FGF13: variants seen among roughly 807,000 people sequenced by gnomAD.
FGF13 encodes the protein fibroblast growth factor homologous factor 2.
Under a neutral mutation model 19.5 loss-of-function variants are expected in FGF13, and 2 were observed. The observed-to-expected ratio is 0.10, with a 90% confidence interval of 0.04 to 0.32. FGF13 has a LOEUF of 0.32. FGF13 is among the 10% of genes least tolerant of loss of function. The probability of loss-of-function intolerance (pLI) is 1.00; values close to 1 mark genes in which losing one functional copy is unlikely to be tolerated. For missense variants in FGF13, 113 were observed against 192.7 expected, an observed-to-expected ratio of 0.59 and a Z score of 2.45; for synonymous variants, 72 against 76.9, an observed-to-expected ratio of 0.94 and a Z score of 0.33.
rs189675108 is a variant in FGF13, at chrX:138,865,923, C to T, written c.-112-1273G>A. Among the ~76,000 whole-genome samples the T allele has an allele frequency of 2.7e-5, 3 of 111,751 alleles. No individual in the cohort carries two copies. In the Admixed American group the frequency reaches 2.9e-4, roughly 11 times the overall value. ...CTCATCCCTCCTTACCAGCTCCCCA[C>T]CCTTAGGGTCTGTACAGAATCATTT... is the stretch of plus-strand genomic sequence containing the variant. On this transcript the variant is annotated intron_variant, in intron 1 of 2. Transcript: ENST00000421460.
At chrX:139,042,312 C>T (rs1298286914) in intron 1 of FGF13, among the ~76,000 whole-genome samples, 1 of 111,101 alleles carries the variant, frequency 9.0e-6, no homozygotes, top group East Asian at 2.8e-4. Context: ...GGAGGCAGAT[C>T]CATGAGAAAT....
intron 3 of FGF13, among the ~76,000 whole-genome samples, chrX:138,780,770 A>C (rs1404577049): frequency 9.0e-6 from 1 of 110,931 alleles, no homozygotes; most frequent in African/African-American, 3.3e-5. Flanking sequence ...ACGGAAAGTC[A>C]ACAAGGATAC....
intron 3 of FGF13, among the ~76,000 whole-genome samples, chrX:138,802,792 T>C (rs1355395213): frequency 9.0e-6 from 1 of 111,388 alleles, no homozygotes; most frequent in Non-Finnish European, 1.9e-5. Context: ...ATGCTCTTCC[T>C]TGTTGGTCTC....
At chrX:138,864,186 T>C (rs2091304601) in intron 2 of FGF13, among the ~76,000 whole-genome samples, 1 of 112,216 alleles carries the variant, frequency 8.9e-6, no homozygotes, top group Non-Finnish European at 1.9e-5. Context: ...TACAAACCTC[T>C]TTGTGAAGAG....
downstream of FGF13, among the ~76,000 whole-genome samples, chrX:138,852,548 C>T (rs752906379): frequency 2.7e-5 from 3 of 111,642 alleles, no homozygotes; most frequent in East Asian, 8.5e-4. Flanking sequence ...TTATACAAAA[C>T]TTAATTCAAG....
chrX:139,020,766 T>C (rs1294293149), intron 1 of FGF13, among the ~76,000 whole-genome samples: 1 of 111,905 alleles, frequency 8.9e-6, no homozygotes, highest in Non-Finnish European at 1.9e-5. Flanking sequence ...TTCTGTACTA[T>C]TCACTATTTT....
chrX:139,008,607 A>G (rs768137237), intron 1 of FGF13, among the ~76,000 whole-genome samples: 1 of 111,661 alleles, frequency 9.0e-6, no homozygotes, highest in East Asian at 2.9e-4. Flanking sequence ...AAAAACAATC[A>G]CTACAGTTCA....
At chrX:139,145,663 C>T (rs2083882239) in intron 1 of FGF13, among the ~76,000 whole-genome samples, 1 of 110,126 alleles carries the variant, frequency 9.1e-6, no homozygotes, top group Admixed American at 9.8e-5. Flanking sequence ...ACCTAAAATC[C>T]TTTCCCCACC....
chrX:138,787,247 G>C (rs2090700977), intron 3 of FGF13, among the ~76,000 whole-genome samples: 1 of 112,784 alleles, frequency 8.9e-6, no homozygotes. Flanking sequence ...CATCAGGGAA[G>C]TATTGGCTTT....
At chrX:138,711,718 A>T, upstream of FGF13, 1 of 750,776 alleles carries the variant, frequency 1.3e-6, no homozygotes, top group Non-Finnish European at 1.6e-6. Context: ...ACAGCGCGAC[A>T]GCCTCCTTGC....
intron 1 of FGF13, among the ~76,000 whole-genome samples, chrX:139,112,971 A>AGT (rs748975156): frequency 0.079 from 6,924 of 87,619 alleles, 256 homozygotes; most frequent in East Asian, 0.14. Flanking sequence ...TTGATTATGT[A>AGT]GTGTGTGTGT....
chrX:139,068,662 T>C (rs1394262427), intron 1 of FGF13, among the ~76,000 whole-genome samples: 1 of 108,537 alleles, frequency 9.2e-6, no homozygotes, highest in Non-Finnish European at 1.9e-5. Flanking sequence ...TTTATTTCCT[T>C]GAGCAGTGGT....
chrX:138,997,943 G>A (rs1035661716), intron 1 of FGF13, among the ~76,000 whole-genome samples: 1 of 111,235 alleles, frequency 9.0e-6, no homozygotes, highest in Non-Finnish European at 1.9e-5. Flanking sequence ...GAGAAAGGTC[G>A]GGTTACCCAC....
At chrX:138,923,694 C>T (rs1431407197) in intron 1 of FGF13, among the ~76,000 whole-genome samples, 1 of 111,950 alleles carries the variant, frequency 8.9e-6, no homozygotes, top group Non-Finnish European at 1.9e-5. Flanking sequence ...TATGTCTCCT[C>T]CTCTTTCACA....
chrX:138,958,175 C>G (rs1191853292), intron 1 of FGF13, among the ~76,000 whole-genome samples: 1 of 111,501 alleles, frequency 9.0e-6, no homozygotes, highest in African/African-American at 3.3e-5. Context: ...TCATAAATAG[C>G]TCTTATTATT....
chrX:138,661,950 T>C (rs966770863), intron 3 of FGF13, among the ~76,000 whole-genome samples: 4 of 111,856 alleles, frequency 3.6e-5, no homozygotes, highest in African/African-American at 1.3e-4. Flanking sequence ...CCTTAGTCTT[T>C]AAGAACAATA....
At position 139,087,566 on chromosome X, in the gene FGF13, G is replaced by A. The variant is rs948897989; in HGVS notation, c.-113+115850C>T. 3.6e-5 allele frequency among the ~76,000 whole-genome samples: 4 copies of A among 111,475 alleles called. No individual in the cohort carries two copies. The South Asian group carries it at 1.1e-3, about 31-fold the overall frequency. On this transcript the variant is annotated intron_variant, in intron 1 of 2. Coordinates refer to the FGF13 transcript ENST00000421460. ...AAATCTTTCGATAAACTGTACATACGCCATGTGTTTTGATGGTTATATTGA... is the reference window on the plus strand; with the variant it reads ...AAATCTTTCGATAAACTGTACATACACCATGTGTTTTGATGGTTATATTGA...
At chrX:138,920,733 G>A (rs1443110804) in intron 1 of FGF13, among the ~76,000 whole-genome samples, 1 of 111,297 alleles carries the variant, frequency 9.0e-6, no homozygotes, top group Non-Finnish European at 1.9e-5. Context: ...AGGACTGGAC[G>A]AGCGAGGTGA....
intron 3 of FGF13, among the ~76,000 whole-genome samples, chrX:138,657,739 T>A (rs1315627199): frequency 1.8e-5 from 2 of 111,963 alleles, no homozygotes; most frequent in Non-Finnish European, 3.8e-5. Flanking sequence ...GAGAAGCAAT[T>A]ATTCTGGTAA....
Sources: allele counts gnomAD v4.1 joint callset (sites outside exome capture counted in the v4.1 genomes callset), GRCh38; gene constraint gnomAD v4.1.1; transcripts MANE v1.5; gene names NCBI Gene and HGNC (gene_info 2026-07-23, HGNC 2026-07-21).